Variants in ARL6IP6 observed in about 807,000 individuals in gnomAD.
ARL6IP6 encodes the protein ADP-ribosylation factor-like protein 6-interacting protein 6.
In ARL6IP6, 22 loss-of-function variants were observed where a neutral mutation model predicts 21.5. The ratio of observed to expected loss-of-function variants is 1.02; its 90% CI spans 0.73 to 1.46. The LOEUF is 1.46. Among genes scored for constraint, ARL6IP6 ranks in the 40% most tolerant of loss-of-function variants. The pLI is 0.00. For synonymous variants in ARL6IP6, 164 were observed against 125.3 expected (o/e 1.31, Z -2.06); for missense variants, 388 against 299.8 (o/e 1.29, Z -2.17).
At chr2:152,742,640 A>C (rs1031212983) in intron 3 of ARL6IP6, among the ~76,000 whole-genome samples, 6 of 151,836 alleles carry the variant, frequency 4.0e-5, no homozygotes, top group Non-Finnish European at 8.8e-5. Context: ...GCAGAACTTT[A>C]AAGTCCTCTT....
chr2:152,748,848 T>G (rs1164044350), intron 3 of ARL6IP6, among the ~76,000 whole-genome samples: 1 of 152,186 alleles, frequency 6.6e-6, no homozygotes. Flanking sequence ...GTCTGGTGTT[T>G]AGTATTGTAG....
rs1274769843 is a variant in ARL6IP6, at chr2:152,720,584, T to C, written c.452T>C (p.Leu151Ser). 2.5e-6 allele frequency: 4 copies of C among 1,613,584 alleles called. No homozygotes were observed. Among genetic ancestry groups the C allele is most frequent in the Non-Finnish European group, 3.4e-6 (4 of 1,179,682 alleles). Residue 151 changes from leucine to serine, a missense_variant and splice_region_variant, in exon 2 of 4, where the codon TTA (leucine) becomes TCA (serine). Physicochemically the swap from Leu to Ser is moderately radical, Grantham distance 145 (BLOSUM62 -2). Coordinates refer to ENST00000326446, the MANE Select transcript of ARL6IP6 (RefSeq NM_152522.7). Reference protein sequence around the residue: ...KNEDDVDTGLLGFWTLLIISL... With the variant: ...KNEDDVDTGLSGFWTLLIISL... ...GAAGATGATGTAGACACTGGACTAT[T>C]AGGTATGGACTTAATTGCCGCTTGC...
intron 3 of ARL6IP6, among the ~76,000 whole-genome samples, chr2:152,738,086 G>A (rs1700633227): frequency 6.6e-6 from 1 of 152,114 alleles, no homozygotes; most frequent in Admixed American, 6.5e-5. Flanking sequence ...AAAACAAAGG[G>A]GCTACAGGCC....
At chr2:152,725,822 G>T (rs888857617) in intron 2 of ARL6IP6, among the ~76,000 whole-genome samples, 1 of 152,100 alleles carries the variant, frequency 6.6e-6, no homozygotes, top group African/African-American at 2.4e-5. Flanking sequence ...AGGGAAACTG[G>T]GAATTGAAAT....
intron 3 of ARL6IP6, among the ~76,000 whole-genome samples, chr2:152,751,383 A>G (rs115524728): frequency 6.6e-6 from 1 of 152,202 alleles, no homozygotes; most frequent in African/African-American, 2.4e-5. Context: ...TTCTGAAAAT[A>G]CGCAATAAGT....
At position 152,761,054 on chromosome 2, in the gene ARL6IP6, C is replaced by T. The variant is rs1238219308; in HGVS notation, c.*1214C>T. The T allele has an allele frequency of 6.6e-6, 1 of 151,884 alleles. No homozygotes were observed. The highest frequency in any genetic ancestry group is 2.4e-5 in the African/African-American group (1 of 41,268). The allele number at this position is 151,884 out of a possible 1,614,324, so 9.4% of individuals were successfully genotyped here. A position where few individuals can be genotyped will look rare whatever the true frequency, so the allele number is the denominator to read the frequency against. On this transcript the variant is annotated 3_prime_UTR_variant, in exon 4 of 4. Coordinates refer to ENST00000326446, the MANE Select transcript of ARL6IP6 (RefSeq NM_152522.7). ...TTTTCCCTGGCCATAGGAAAACTTA[C>T]AATAAGAAACCATTAAGTAGTCAAA...
chr2:152,728,588 C>G (rs1401375024), intron 2 of ARL6IP6, among the ~76,000 whole-genome samples: 2 of 152,136 alleles, frequency 1.3e-5, no homozygotes, highest in Non-Finnish European at 2.9e-5. Flanking sequence ...AGAAGAGTAA[C>G]TGCTCCCTGA....
At chr2:152,737,256 TATC>T (rs1559233029) in intron 3 of ARL6IP6, among the ~76,000 whole-genome samples, 1 of 152,204 alleles carries the variant, frequency 6.6e-6, no homozygotes, top group Non-Finnish European at 1.5e-5. Flanking sequence ...CTCCCTGGAT[TATC>T]ATTTTCCCTT....
At chr2:152,735,289 C>T (rs1033650436) in intron 3 of ARL6IP6, among the ~76,000 whole-genome samples, 163 bp downstream of exon 3, 1 of 152,162 alleles carries the variant, frequency 6.6e-6, no homozygotes, top group Admixed American at 6.5e-5. Flanking sequence ...CCTTTAGATA[C>T]ATGAGAATAA....
chr2:152,741,164 A>G (rs888063171), intron 3 of ARL6IP6, among the ~76,000 whole-genome samples: 1 of 152,156 alleles, frequency 6.6e-6, no homozygotes, highest in Admixed American at 6.5e-5. Context: ...ATTATATAAA[A>G]GTAATTCAGA....
chr2:152,726,421 G>A (rs1231777913), intron 2 of ARL6IP6, among the ~76,000 whole-genome samples: 2 of 152,138 alleles, frequency 1.3e-5, no homozygotes, highest in East Asian at 3.9e-4. Flanking sequence ...ACTTTCCTCT[G>A]CTCCTGCACT....
At chr2:152,755,566 T>C (rs1463510012) in intron 3 of ARL6IP6, among the ~76,000 whole-genome samples, 1 of 152,194 alleles carries the variant, frequency 6.6e-6, no homozygotes, top group Admixed American at 6.5e-5. Flanking sequence ...AGCCTGTCTC[T>C]CTCTCTTCCT....
At chr2:152,725,785 G>T (rs183486299) in intron 2 of ARL6IP6, among the ~76,000 whole-genome samples, 3 of 152,164 alleles carry the variant, frequency 2.0e-5, no homozygotes, top group Non-Finnish European at 2.9e-5. Context: ...CACTCAGGTC[G>T]TGCCCATTTT....
Position 152,718,800 on chromosome 2 carries a change from T to A in ARL6IP6, c.176T>A (p.Phe59Tyr). 1 of 1,607,658 alleles carries A rather than the reference T, an allele frequency of 6.2e-7. No individual in the cohort carries two copies. Among genetic ancestry groups the A allele is most frequent in the Non-Finnish European group, 8.5e-7 (1 of 1,176,980 alleles). ...GTGGCCCGCGACCTGCGGGCGGAGT[T>A]CTCGGCTGGGGCGTGGTCAGAGCCC... ...DQVARDLRAE[F>Y]SAGAWSEPRK... Residue 59 changes from phenylalanine (F) to tyrosine (Y), a missense_variant, in exon 1 of 4, where the codon TTC (phenylalanine) becomes TAC (tyrosine). By Grantham distance (22) the Phe-to-Tyr change is conservative. Transcript: ENST00000326446.
At chr2:152,732,661 C>G (rs1474667058) in intron 2 of ARL6IP6, 5 of 376,266 alleles carry the variant, frequency 1.3e-5, no homozygotes, top group African/African-American at 6.5e-5. Flanking sequence ...GTGTGTTTAC[C>G]TATATACAGT....
chr2:152,744,228 C>G (rs558778972), intron 3 of ARL6IP6, among the ~76,000 whole-genome samples: 2 of 152,212 alleles, frequency 1.3e-5, no homozygotes, highest in South Asian at 4.1e-4. Flanking sequence ...TTTTGAATTA[C>G]CAGAAGTCAA....
rs146365662 is a variant in ARL6IP6 at position 152,742,916 on chromosome 2, A to G, written c.587+7790A>G. Among the ~76,000 whole-genome samples, 1,047 of 152,330 alleles carry G rather than the reference A, an allele frequency of 6.9e-3. 5 individuals carry two copies. The highest frequency in any genetic ancestry group is 0.011 in the Non-Finnish European group (755 of 68,038). ...CAAAGTCAAGTAATTTGCAAGTAAC[A>G]TAGTTTGCAACTGACTGTTTATTTT... On this transcript the variant is annotated intron_variant, in intron 3 of 3. Coordinates refer to ENST00000326446, the MANE Select transcript of ARL6IP6 (RefSeq NM_152522.7).
chr2:152,727,970 TAAAGC>T (rs1559226277), intron 2 of ARL6IP6, among the ~76,000 whole-genome samples: 1 of 152,208 alleles, frequency 6.6e-6, no homozygotes, highest in African/African-American at 2.4e-5. Flanking sequence ...TTCCAACAAT[TAAAGC>T]AAAGGCTTTC....
At chr2:152,732,630 G>T in intron 2 of ARL6IP6, 1 of 426,520 alleles carries the variant, frequency 2.3e-6, no homozygotes, top group Non-Finnish European at 4.7e-6. Context: ...ATTTTATTTT[G>T]CTATGCATAT....
Sources: gnomAD v4.1 joint callset for allele counts (sites outside exome capture counted in the v4.1 genomes callset) on GRCh38, gnomAD v4.1.1 for gene constraint, MANE v1.5 for transcripts, NCBI Gene and HGNC (gene_info 2026-07-23, HGNC 2026-07-21) for gene names.